The following ANKRD26 variants were observed in gnomAD, a reference collection of about 807,000 sequenced individuals.
ANKRD26 encodes ankyrin repeat domain 26.
In ANKRD26, 141 loss-of-function variants were observed where a neutral mutation model predicts 208.7. The ratio of observed to expected loss-of-function variants is 0.68; its 90% confidence interval spans 0.59 to 0.78. The LOEUF (loss-of-function observed/expected upper bound fraction) is 0.78. Among genes scored for constraint, ANKRD26 ranks in the 30% least tolerant of loss-of-function variants. The probability of loss-of-function intolerance (pLI) is 0.00; values close to 1 mark genes in which losing one functional copy is unlikely to be tolerated. For missense variants in ANKRD26, 1,889 were observed against 1,938.7 expected (o/e 0.97, Z 0.48); for synonymous variants, 636 against 660.4 (o/e 0.96, Z 0.57).
chr10:26,948,958 G>A, the ANKRD26 span, among the ~76,000 whole-genome samples: 2 of 152,084 alleles, frequency 1.3e-5, no homozygotes, highest in Non-Finnish European at 2.9e-5. Context: ...TCTCACCATT[G>A]CACTCCAGCC....
chr10:26,980,364 T>C (rs564965172), intron 5 of ANKRD26, among the ~76,000 whole-genome samples: 1 of 152,328 alleles, frequency 6.6e-6, no homozygotes, highest in East Asian at 1.9e-4. Context: ...CTGACCACTG[T>C]GCTTTTTCCA....
intron 18 of ANKRD26, among the ~76,000 whole-genome samples, chr10:27,045,492 G>A (rs1210607464): frequency 6.6e-6 from 1 of 151,540 alleles, no homozygotes; most frequent in Non-Finnish European, 1.5e-5. Context: ...AGGCAACATG[G>A]TTTTTAATAT....
chr10:27,043,907 T>C (rs1413314379), intron 19 of ANKRD26, among the ~76,000 whole-genome samples: 1 of 152,020 alleles, frequency 6.6e-6, no homozygotes, highest in Non-Finnish European at 1.5e-5. Flanking sequence ...TCCTCTCACC[T>C]CAGCCTCCCA....
At chr10:26,979,256 A>G (rs4747580) in intron 5 of ANKRD26, among the ~76,000 whole-genome samples, 131,500 of 152,234 alleles carry the variant, frequency 0.86, 57,204 homozygotes, top group East Asian at 1. Context: ...AAAAGGTCAC[A>G]TCAATATCCA....
the ANKRD26 span, among the ~76,000 whole-genome samples, chr10:26,967,008 A>G: frequency 6.6e-6 from 1 of 152,310 alleles, no homozygotes; most frequent in East Asian, 1.9e-4. Flanking sequence ...TTTCATTTAC[A>G]TTGGCCACGA....
At chr10:26,979,338 G>C (rs976675358) in intron 5 of ANKRD26, among the ~76,000 whole-genome samples, 4 of 152,200 alleles carry the variant, frequency 2.6e-5, no homozygotes, top group Non-Finnish European at 4.4e-5. Flanking sequence ...GACTTTTCTA[G>C]TATTTTCTCC....
chr10:27,069,682 A>C (rs1232826121), intron 9 of ANKRD26, among the ~76,000 whole-genome samples: 9 of 152,228 alleles, frequency 5.9e-5, no homozygotes. Flanking sequence ...GGAAAAGCAT[A>C]TGGTCTTAAG....
downstream of ANKRD26, among the ~76,000 whole-genome samples, chr10:27,002,562 C>T (rs2052749184): frequency 1.3e-5 from 2 of 152,208 alleles, no homozygotes; most frequent in African/African-American, 4.8e-5. Flanking sequence ...GGCTGGTTCC[C>T]ACCCTGCACC....
chr10:26,989,083 G>A (rs779340082), downstream of ANKRD26, among the ~76,000 whole-genome samples: 19 of 151,894 alleles, frequency 1.3e-4, no homozygotes, highest in Admixed American at 3.3e-4. Flanking sequence ...TATTAATATC[G>A]GGCAAGATAT....
chr10:27,033,231 T>C lies in ANKRD26; in HGVS notation c.3801A>G (p.Arg1267=). The C allele has an allele frequency of 6.2e-7, 1 of 1,609,608 alleles. No homozygotes were observed. The highest frequency in any genetic ancestry group is 2.2e-5 in the East Asian group (1 of 44,710). Reference sequence around the variant, plus strand: ...TGTTAAATTTCATACATACTTGATTTCTGATTTGACCTAATTTCTTCTTTA... The same window carrying C: ...TGTTAAATTTCATACATACTTGATTCCTGATTTGACCTAATTTCTTCTTTA... ...QDLKKKLGQI[R]NQLQEAQDRH... is the part of the protein sequence containing the mutation. The change falls in exon 25 of 34, where the codon AGA becomes AGG. Residue 1267 remains arginine, a synonymous_variant. Transcript: ENST00000376087.
At chr10:27,000,095 C>T (rs1321263243), downstream of ANKRD26, among the ~76,000 whole-genome samples, 1 of 151,890 alleles carries the variant, frequency 6.6e-6, no homozygotes, top group East Asian at 1.9e-4. Context: ...CCAGCTGAAA[C>T]TCACAGGAAA....
At chr10:26,978,508 G>A (rs2134612222) in intron 5 of ANKRD26, among the ~76,000 whole-genome samples, 1 of 152,176 alleles carries the variant, frequency 6.6e-6, no homozygotes, top group South Asian at 2.1e-4. Flanking sequence ...AATTTGCTGT[G>A]GCCCATGTTT....
chr10:26,961,089 T>C, the ANKRD26 span, among the ~76,000 whole-genome samples: 1 of 151,850 alleles, frequency 6.6e-6, no homozygotes, highest in Non-Finnish European at 1.5e-5. Context: ...TGGTGGTGCA[T>C]GCCTGTAATC....
chr10:27,012,647 T>C (rs1172969608), intron 32 of ANKRD26, among the ~76,000 whole-genome samples: 8 of 152,010 alleles, frequency 5.3e-5, no homozygotes, highest in African/African-American at 1.9e-4. Flanking sequence ...ACCCAGTCTC[T>C]ACTAGAAATA....
intron 25 of ANKRD26, chr10:27,030,309 T>G (rs1007686305): frequency 1.0e-5 from 9 of 885,808 alleles, no homozygotes; most frequent in Non-Finnish European, 1.2e-5. Context: ...TAAACAATTA[T>G]AGATTACTTT....
At chr10:27,039,453 CAAA>C (rs34965939) in intron 21 of ANKRD26, among the ~76,000 whole-genome samples, 1 of 101,384 alleles carries the variant, frequency 9.9e-6, no homozygotes, top group Non-Finnish European at 2.1e-5. Context: ...GACTCCATCT[CAAA>C]AAAAAAAAAA....
chr10:27,033,531 A>G (rs940436070), intron 24 of ANKRD26, among the ~76,000 whole-genome samples, 154 bp from the exon 25 acceptor site: 5 of 152,174 alleles, frequency 3.3e-5, no homozygotes, highest in African/African-American at 7.2e-5. Context: ...ATATGTACAC[A>G]TTGCTGTTTA....
intron 12 of ANKRD26, among the ~76,000 whole-genome samples, chr10:27,063,467 C>A (rs775526035): frequency 2.6e-5 from 4 of 151,850 alleles, no homozygotes; most frequent in Non-Finnish European, 4.4e-5. Flanking sequence ...ATTACAGGTG[C>A]GTGCCACCAC....
chr10:26,972,587 T>G (rs959637833), downstream of ANKRD26, among the ~76,000 whole-genome samples: 3 of 148,872 alleles, frequency 2.0e-5, no homozygotes, highest in African/African-American at 7.5e-5. Flanking sequence ...ACAAAGTGAT[T>G]CTTTTTTTTT....
Sources: allele counts gnomAD v4.1 joint callset (sites outside exome capture counted in the v4.1 genomes callset), GRCh38; gene constraint gnomAD v4.1.1; transcripts MANE v1.5; gene names NCBI Gene and HGNC (gene_info 2026-07-23, HGNC 2026-07-21).